NLN: variants seen among roughly 807,000 people sequenced by gnomAD.
NLN encodes the protein neurolysin.
NLN carries 64 observed loss-of-function variants against 79.9 expected under a neutral mutation model. The observed-to-expected ratio is 0.80, with a 90% CI of 0.65 to 0.99. NLN has a LOEUF of 0.99. NLN is among the 50% of genes least tolerant of loss of function. NLN has a pLI of 0.00. For synonymous variants in NLN, 267 were observed against 296.6 expected (o/e 0.90, Z 1.02); for missense variants, 835 against 858.7 (o/e 0.97, Z 0.34).
At chr5:65,761,906 G>A (rs890460031) in intron 2 of NLN, among the ~76,000 whole-genome samples, 1 of 151,976 alleles carries the variant, frequency 6.6e-6, no homozygotes, top group African/African-American at 2.4e-5. Context: ...TATATCATAT[G>A]GAAATTTTAC....
chr5:65,773,458 C>T (rs1259577880), intron 3 of NLN, among the ~76,000 whole-genome samples: 1 of 152,070 alleles, frequency 6.6e-6, no homozygotes, highest in Non-Finnish European at 1.5e-5. Context: ...AAATGATATT[C>T]AGAGAAATAT....
chr5:65,811,825 A>C (rs1760554046), intron 11 of NLN, among the ~76,000 whole-genome samples: 1 of 152,232 alleles, frequency 6.6e-6, no homozygotes, highest in African/African-American at 2.4e-5. Context: ...CTGTCTCAAA[A>C]AAAAGTTCTT....
chr5:65,785,038 T>C (rs6866955), intron 6 of NLN, among the ~76,000 whole-genome samples: 3,944 of 152,326 alleles, frequency 0.026, 75 homozygotes, highest in South Asian at 0.046. Context: ...TATTCCATTG[T>C]ATATATATAC....
chr5:65,775,411 C>T (rs1016685612), intron 3 of NLN, among the ~76,000 whole-genome samples: 1 of 152,200 alleles, frequency 6.6e-6, no homozygotes, highest in African/African-American at 2.4e-5. Context: ...CCTTTCCTTG[C>T]TGGGATGGCC....
At chr5:65,724,647 A>G (rs1413122813) in intron 1 of NLN, among the ~76,000 whole-genome samples, 1 of 152,066 alleles carries the variant, frequency 6.6e-6, no homozygotes, top group Non-Finnish European at 1.5e-5. Context: ...TACTATGTTT[A>G]GTTTTTGAAA....
chr5:65,789,844 C>T (rs1214048241), intron 8 of NLN, among the ~76,000 whole-genome samples: 1 of 152,214 alleles, frequency 6.6e-6, no homozygotes, highest in African/African-American at 2.4e-5. Context: ...GGCTGAGAGG[C>T]AGCACAGTTT....
At chr5:65,780,118 G>A (rs1759765322) in intron 4 of NLN, 61 bp from the exon 5 acceptor site, 1 of 738,538 alleles carries the variant, frequency 1.4e-6, no homozygotes, top group African/African-American at 1.8e-5. Context: ...GGGCCACCGT[G>A]CCTGGCAAAA....
chr5:65,780,285 A>AAAGACAGAT lies in NLN; in HGVS notation c.661+4_661+5insAAGACAGAT. The AAAGACAGAT allele has an allele frequency of 8.1e-7, 1 of 1,237,164 alleles. No homozygotes were observed. 76.6% of individuals were successfully genotyped at this position (1,237,164 alleles called of 1,614,324 possible). The stretch of plus-strand genomic sequence containing the variant: ...GTATTTTCCAAGGCTGAACTTGGTA[A>AAAGACAGAT]GTTTTATTATTTTTCTAGATTAAAT... On this transcript the variant is annotated splice_donor_region_variant and intron_variant, in intron 5 of 12. Transcript: ENST00000380985.
At chr5:65,742,761 G>A (rs1758899608) in intron 1 of NLN, among the ~76,000 whole-genome samples, 1 of 152,186 alleles carries the variant, frequency 6.6e-6, no homozygotes, top group Non-Finnish European at 1.5e-5. Context: ...TGCTTTTCAA[G>A]TGTACTGGCA....
intron 3 of NLN, among the ~76,000 whole-genome samples, chr5:65,767,267 C>G (rs1181270190): frequency 2.0e-5 from 3 of 152,212 alleles, no homozygotes; most frequent in Non-Finnish European, 4.4e-5. Context: ...TCCATACATC[C>G]TCTGAAATCT....
intron 1 of NLN, among the ~76,000 whole-genome samples, chr5:65,753,381 G>A (rs768526280): frequency 1.8e-4 from 28 of 152,124 alleles, no homozygotes; most frequent in Non-Finnish European, 3.1e-4. Flanking sequence ...GGGCACGGTG[G>A]CTCATGCCTG....
chr5:65,752,296 C>A (rs1440012141), intron 1 of NLN, among the ~76,000 whole-genome samples: 2 of 151,186 alleles, frequency 1.3e-5, no homozygotes, highest in East Asian at 3.9e-4. Context: ...ACAGAGGAGA[C>A]GATGAAGAAG....
chr5:65,806,614 T>G (rs1760418184), intron 9 of NLN, among the ~76,000 whole-genome samples: 2 of 152,182 alleles, frequency 1.3e-5, no homozygotes, highest in African/African-American at 4.8e-5. Context: ...TTCTTAAGGA[T>G]GAGCAACAGA....
chr5:65,759,591 C>G (rs923863867), intron 2 of NLN, among the ~76,000 whole-genome samples: 4 of 152,098 alleles, frequency 2.6e-5, no homozygotes, highest in African/African-American at 7.2e-5. Flanking sequence ...AGTCCGAAGG[C>G]CAGTAGCCTA....
intron 1 of NLN, chr5:65,723,141 A>C (rs564992485): frequency 6.6e-6 from 1 of 152,398 alleles, no homozygotes; most frequent in South Asian, 2.1e-4. Flanking sequence ...TGCCGCCACC[A>C]TCCCCGTTTC....
At chr5:65,817,462 G>T (rs1760692976) in intron 12 of NLN, among the ~76,000 whole-genome samples, 1 of 152,152 alleles carries the variant, frequency 6.6e-6, no homozygotes. Flanking sequence ...CTAATCATAG[G>T]TTGAAATAAT....
chr5:65,731,742 CTTTT>C (rs761722243), intron 1 of NLN, among the ~76,000 whole-genome samples: 2 of 61,988 alleles, frequency 3.2e-5, no homozygotes, highest in African/African-American at 1.3e-4. Flanking sequence ...CCTACATTTT[CTTTT>C]TTTTTTTTTT....
chr5:65,739,486 GA>G (rs1356501530), intron 1 of NLN, among the ~76,000 whole-genome samples: 1 of 152,120 alleles, frequency 6.6e-6, no homozygotes, highest in Non-Finnish European at 1.5e-5. Context: ...TGAGAGTGTG[GA>G]TATCTCTTCC....
intron 3 of NLN, among the ~76,000 whole-genome samples, chr5:65,768,302 T>A (rs1422373111): frequency 2.0e-5 from 3 of 152,154 alleles, no homozygotes. Flanking sequence ...GAACTTACAA[T>A]CATGGCAGAA....
Sources: gnomAD v4.1 joint callset for allele counts (sites outside exome capture counted in the v4.1 genomes callset) on GRCh38, gnomAD v4.1.1 for gene constraint, MANE v1.5 for transcripts, NCBI Gene and HGNC (gene_info 2026-07-23, HGNC 2026-07-21) for gene names.